The following PRKDC variants were observed in gnomAD, a reference collection of about 807,000 sequenced individuals.
PRKDC encodes protein kinase, DNA-activated, catalytic subunit, also known as DNA-dependent protein kinase catalytic subunit.
PRKDC carries 82 observed loss-of-function variants against 486.9 expected under a neutral mutation model. The observed-to-expected ratio is 0.17, with a 90% CI of 0.14 to 0.20. The LOEUF is 0.20. Ranked by LOEUF, PRKDC falls within the 10% of genes least tolerant of loss-of-function variation. The pLI is 1.00. For missense variants in PRKDC, 4,504 were observed against 5,038.2 expected (o/e 0.89, Z 3.21); for synonymous variants, 1,895 against 1,837.0 (o/e 1.03, Z -0.81).
intron 68 of PRKDC, among the ~76,000 whole-genome samples, chr8:47,811,290 C>T (rs1471405830): frequency 6.6e-6 from 1 of 152,126 alleles, no homozygotes; most frequent in African/African-American, 2.4e-5. Flanking sequence ...GGAGAATCTA[C>T]CCAGATTATA....
chr8:47,813,575 ATTT>A (rs200318055), intron 68 of PRKDC, among the ~76,000 whole-genome samples: 1 of 147,668 alleles, frequency 6.8e-6, no homozygotes, highest in African/African-American at 2.5e-5. Flanking sequence ...ATCTTATATA[ATTT>A]TTTTTTTTCC....
intron 40 of PRKDC, among the ~76,000 whole-genome samples, chr8:47,867,086 T>C (rs546575200): frequency 3.9e-5 from 6 of 152,226 alleles, no homozygotes; most frequent in East Asian, 1.9e-4. Flanking sequence ...CAGAAGTCCA[T>C]TGGCAAAGGG....
chr8:47,860,796 A>T, intron 45 of PRKDC, 103 bp downstream of exon 45: 1 of 841,618 alleles, frequency 1.2e-6, no homozygotes, highest in Middle Eastern at 2.3e-4. Context: ...AGTATTTTCT[A>T]TTTACATAAA....
rs183672799 is a variant in PRKDC, at chr8:47,814,840, G to A, written c.9557+2610C>T. 5.1e-4 allele frequency among the ~76,000 whole-genome samples: 77 copies of A among 152,246 alleles called. 1 individual carries two copies. Among genetic ancestry groups the A allele is most frequent in the South Asian group, 2.1e-3 (10 of 4,816 alleles). On this transcript the variant is annotated intron_variant, in intron 68 of 85. Transcript: ENST00000314191. ...CAGATTCTAAAATGTAAATAGAAAT[G>A]CAGATCAACTAAAATAAAGTAGTTT...
At chr8:47,794,928 C>T (rs888821465) in intron 73 of PRKDC, among the ~76,000 whole-genome samples, 1 of 152,254 alleles carries the variant, frequency 6.6e-6, no homozygotes, top group East Asian at 1.9e-4. Flanking sequence ...CTCGCTCTGT[C>T]GCCAGGCTGG....
At chr8:47,776,734 G>A in intron 85 of PRKDC, 110 bp downstream of exon 85, 1 of 1,365,812 alleles carries the variant, frequency 7.3e-7, no homozygotes, top group Non-Finnish European at 1.0e-6. Flanking sequence ...AAGCAGAGAA[G>A]TCATGCTAAC....
At chr8:47,877,058 T>C (rs1010523438) in intron 40 of PRKDC, among the ~76,000 whole-genome samples, 2 of 152,182 alleles carry the variant, frequency 1.3e-5, no homozygotes, top group Non-Finnish European at 2.9e-5. Context: ...GACATAACTT[T>C]CCATTTACAG....
rs8178213 is a variant in PRKDC, at chr8:47,817,185, G to A, written c.9557+265C>T. Among the ~76,000 whole-genome samples, 3,796 of 152,288 alleles carry A rather than the reference G, an allele frequency of 0.025. 70 individuals are homozygous for A. Among genetic ancestry groups the A allele is most frequent in the Non-Finnish European group, 0.037 (2,548 of 68,028 alleles). On this transcript the variant is annotated intron_variant, in intron 68 of 85. Coordinates refer to ENST00000314191, the MANE Select transcript of PRKDC (RefSeq NM_006904.7). ...GTTGTGAGAGAAGCAAATGCACACT[G>A]ACCCTGTCTCCCTTCCTGGAGGTGC...
intron 38 of PRKDC, 107 bp downstream of exon 38, chr8:47,881,309 T>C: frequency 1.4e-6 from 1 of 701,088 alleles, no homozygotes; most frequent in South Asian, 1.9e-5. Context: ...TCCCTACATT[T>C]GAACACGTTT....
intron 36 of PRKDC, among the ~76,000 whole-genome samples, chr8:47,883,994 G>A (rs548016515): frequency 5.9e-5 from 9 of 152,346 alleles, no homozygotes; most frequent in African/African-American, 2.2e-4. Context: ...TTTTCTCTTA[G>A]GGCTTGTCAG....
At chr8:47,956,132 G>A (rs2090696183) in intron 3 of PRKDC, among the ~76,000 whole-genome samples, 184 bp from the exon 4 acceptor site, 1 of 152,050 alleles carries the variant, frequency 6.6e-6, no homozygotes, top group South Asian at 2.1e-4. Context: ...GGAGGCGGAG[G>A]TAGGCGATCA....
At chr8:47,816,493 T>G (rs1170940382) in intron 68 of PRKDC, among the ~76,000 whole-genome samples, 1 of 152,132 alleles carries the variant, frequency 6.6e-6, no homozygotes, top group Non-Finnish European at 1.5e-5. Context: ...CTGGGACAAT[T>G]AACAAAACTG....
At chr8:47,874,563 G>A (rs1197505184) in intron 40 of PRKDC, among the ~76,000 whole-genome samples, 1 of 152,122 alleles carries the variant, frequency 6.6e-6, no homozygotes, top group Non-Finnish European at 1.5e-5. Flanking sequence ...TTTGAGACCA[G>A]CCTGGGCAAC....
intron 68 of PRKDC, 130 bp downstream of exon 68, chr8:47,817,320 A>AAGGATGTAAAACTACTT: frequency 1.5e-6 from 1 of 654,692 alleles, no homozygotes; most frequent in South Asian, 2.1e-5. Flanking sequence ...TTACATGGGA[A>AAGGATGTAAAACTACTT]ACAGGAAGGA....
intron 17 of PRKDC, 81 bp downstream of exon 17, chr8:47,930,591 T>G: frequency 7.3e-7 from 1 of 1,363,508 alleles, no homozygotes; most frequent in Non-Finnish European, 1.0e-6. Flanking sequence ...ATTTCTTACA[T>G]CTATATAAGG....
chr8:47,910,016 A>T (rs1016099759), intron 25 of PRKDC, among the ~76,000 whole-genome samples: 1 of 151,848 alleles, frequency 6.6e-6, no homozygotes, highest in Non-Finnish European at 1.5e-5. Context: ...CAGTTCATAT[A>T]CCCGCTCCTC....
chr8:47,958,191 G>C (rs995919265), intron 1 of PRKDC, among the ~76,000 whole-genome samples: 2 of 152,180 alleles, frequency 1.3e-5, no homozygotes, highest in African/African-American at 4.8e-5. Context: ...TAGTTAGGGG[G>C]ACTTGACATG....
chr8:47,857,841 A>T (rs977789650), intron 48 of PRKDC, among the ~76,000 whole-genome samples: 1 of 152,124 alleles, frequency 6.6e-6, no homozygotes, highest in Non-Finnish European at 1.5e-5. Flanking sequence ...CTACGGAGCC[A>T]AGTGGATGGT....
chr8:47,778,775 G>C lies in PRKDC; in HGVS notation c.11604C>G (p.Val3868=). 6.2e-7 allele frequency: 1 copy of C among 1,613,732 alleles called. No homozygotes were observed. The highest frequency in any genetic ancestry group is 1.1e-5 in the South Asian group (1 of 91,028). Residue 3868 remains valine (V), a synonymous_variant, in exon 82 of 86, where the codon GTC becomes GTG. Coordinates refer to ENST00000314191, the MANE Select transcript of PRKDC (RefSeq NM_006904.7). Reference sequence around the variant, plus strand: ...TACTTTCTCGTTTTCTAAAAGACGTGACTGTTTCAGTACGATTAGCGCCCC... The same window carrying C: ...TACTTTCTCGTTTTCTAAAAGACGTCACTGTTTCAGTACGATTAGCGCCCC... ...MYKGANRTET[V]TSFRKRESKV...
Sources: allele counts gnomAD v4.1 joint callset (sites outside exome capture counted in the v4.1 genomes callset), GRCh38; gene constraint gnomAD v4.1.1; transcripts MANE v1.5; gene names NCBI Gene and HGNC (gene_info 2026-07-23, HGNC 2026-07-21).